RTL4: variants seen among roughly 807,000 people sequenced by gnomAD.
RTL4 encodes the protein retrotransposon Gag-like protein 4.
In RTL4, 4 loss-of-function variants were observed where a neutral mutation model predicts 5.3. That is an observed-to-expected ratio of 0.75 (90% CI 0.37 to 1.72). The LOEUF (loss-of-function observed/expected upper bound fraction) is 1.72, where lower values mean the gene tolerates loss of function less well. Among genes scored for constraint, RTL4 ranks in the 40% most tolerant of loss-of-function variants. The probability of loss-of-function intolerance (pLI) is 0.04; values close to 1 mark genes in which losing one functional copy is unlikely to be tolerated. For synonymous variants in RTL4, 98 were observed against 87.3 expected, an observed-to-expected ratio of 1.12 and a Z score of -0.68; for missense variants, 260 against 227.1, an observed-to-expected ratio of 1.14 and a Z score of -0.93.
the RTL4 span, among the ~76,000 whole-genome samples, chrX:112,264,638 T>C: frequency 8.9e-6 from 1 of 111,877 alleles, no homozygotes; most frequent in Non-Finnish European, 1.9e-5. Context: ...CTGTTTCTAG[T>C]GTTTAGTAGG....
the RTL4 span, among the ~76,000 whole-genome samples, chrX:112,390,713 C>T: frequency 6.3e-5 from 7 of 110,785 alleles, no homozygotes; most frequent in African/African-American, 2.3e-4. Flanking sequence ...TTCCCTTTGT[C>T]AGTGACCTGT....
the RTL4 span, among the ~76,000 whole-genome samples, chrX:112,175,919 G>A: frequency 1.8e-5 from 2 of 110,728 alleles, no homozygotes; most frequent in African/African-American, 3.3e-5. Flanking sequence ...TATTCAATTA[G>A]GAAAAGAGGA....
At chrX:112,407,550 C>T in the RTL4 span, among the ~76,000 whole-genome samples, 13 of 112,684 alleles carry the variant, frequency 1.2e-4, no homozygotes, top group African/African-American at 4.2e-4. Context: ...GATGGCAACT[C>T]TTGACACACC....
chrX:112,180,712 C>G, the RTL4 span, among the ~76,000 whole-genome samples: 1 of 111,837 alleles, frequency 8.9e-6, no homozygotes, highest in Non-Finnish European at 1.9e-5. Context: ...AAGAGGAATA[C>G]CTTTTCCCCC....
chrX:112,448,156 G>A, the RTL4 span, among the ~76,000 whole-genome samples: 3 of 111,969 alleles, frequency 2.7e-5, no homozygotes, highest in African/African-American at 9.7e-5. Context: ...AGACAGGAGG[G>A]AGCATGAAGG....
At chrX:112,366,755 T>C in the RTL4 span, among the ~76,000 whole-genome samples, 1 of 112,008 alleles carries the variant, frequency 8.9e-6, no homozygotes. Flanking sequence ...AGACAATAAA[T>C]ACCTGTAACT....
At chrX:112,083,349 G>A in the RTL4 span, among the ~76,000 whole-genome samples, 1 of 112,568 alleles carries the variant, frequency 8.9e-6, no homozygotes, top group East Asian at 2.8e-4. Context: ...GGCCGGTGGT[G>A]GCGAGGCTGC....
chrX:112,455,361 G>A, exon 1 of RTL4: 1 of 1,211,723 alleles, frequency 8.3e-7, no homozygotes, highest in Non-Finnish European at 1.1e-6. Flanking sequence ...TGATCACTCA[G>A]TGCATTCAGT....
At chrX:112,092,739 A>G in the RTL4 span, among the ~76,000 whole-genome samples, 13 of 110,998 alleles carry the variant, frequency 1.2e-4, no homozygotes, top group East Asian at 2.0e-3. Flanking sequence ...AATGGGTCTC[A>G]TGAGATCTGA....
chrX:112,414,929 C>T, the RTL4 span, among the ~76,000 whole-genome samples: 53 of 111,249 alleles, frequency 4.8e-4, no homozygotes, highest in African/African-American at 1.7e-3. Flanking sequence ...TACCATGCCT[C>T]CCCTGTTGGA....
chrX:112,303,528 G>A, the RTL4 span, among the ~76,000 whole-genome samples: 351 of 95,073 alleles, frequency 3.7e-3, 3 homozygotes, highest in African/African-American at 0.013. Context: ...AACACCGCAT[G>A]TTCTCACTCA....
the RTL4 span, among the ~76,000 whole-genome samples, chrX:112,343,546 G>C: frequency 8.9e-6 from 1 of 112,214 alleles, no homozygotes; most frequent in Non-Finnish European, 1.9e-5. Context: ...TGCTGGGTTA[G>C]TCAAAATTAG....
the RTL4 span, among the ~76,000 whole-genome samples, chrX:112,194,889 AAG>A: frequency 4.2e-4 from 47 of 112,348 alleles, no homozygotes; most frequent in Middle Eastern, 4.2e-3. Flanking sequence ...TGCTGAAGGA[AAG>A]AGAGCTTAAT....
chrX:112,181,123 G>C, the RTL4 span, among the ~76,000 whole-genome samples: 2 of 111,912 alleles, frequency 1.8e-5, no homozygotes, highest in Admixed American at 9.4e-5. Context: ...GAGGGACTGT[G>C]CTGTGAGGAA....
chrX:112,185,637 T>TCA, the RTL4 span, among the ~76,000 whole-genome samples: 16 of 105,002 alleles, frequency 1.5e-4, no homozygotes, highest in Non-Finnish European at 2.9e-4. Flanking sequence ...TCTCTCTCTC[T>TCA]CACACACACA....
the RTL4 span, among the ~76,000 whole-genome samples, chrX:112,114,853 A>G: frequency 9.0e-6 from 1 of 111,523 alleles, no homozygotes; most frequent in Non-Finnish European, 1.9e-5. Context: ...GACAGAAGGT[A>G]GTTAACTCCA....
At chrX:112,290,607 G>A in the RTL4 span, among the ~76,000 whole-genome samples, 1 of 112,298 alleles carries the variant, frequency 8.9e-6, no homozygotes, top group South Asian at 3.7e-4. Flanking sequence ...GAGAGAGTCT[G>A]TGGACCCAGG....
At chrX:112,237,092 G>C in the RTL4 span, among the ~76,000 whole-genome samples, 3 of 111,680 alleles carry the variant, frequency 2.7e-5, no homozygotes, top group Admixed American at 9.5e-5. Flanking sequence ...CTTGCAGAAA[G>C]GAACCAAAGA....
the RTL4 span, among the ~76,000 whole-genome samples, chrX:112,243,120 G>A: frequency 9.0e-6 from 1 of 111,427 alleles, no homozygotes; most frequent in Non-Finnish European, 1.9e-5. Flanking sequence ...TTTTCGCATC[G>A]ATGTTCATCA....
Sources: gnomAD v4.1 joint callset for allele counts (sites outside exome capture counted in the v4.1 genomes callset) on GRCh38, gnomAD v4.1.1 for gene constraint, MANE v1.5 for transcripts, NCBI Gene and HGNC (gene_info 2026-07-23, HGNC 2026-07-21) for gene names.